EDEM3: variants seen among roughly 807,000 people sequenced by gnomAD.
The protein encoded by EDEM3 is ER degradation enhancing alpha-mannosidase like protein 3, also known as ER degradation-enhancing alpha-mannosidase-like protein 3.
EDEM3 carries 60 observed loss-of-function variants against 110.2 expected under a neutral mutation model. That is an observed-to-expected ratio of 0.54 (90% CI 0.44 to 0.67). The LOEUF is 0.67. EDEM3 is among the 30% of genes least tolerant of loss of function. The pLI, the probability that EDEM3 is intolerant of heterozygous loss-of-function variation, is 0.00. For missense variants in EDEM3, 996 were observed against 1,121.0 expected (o/e 0.89, Z 1.59); for synonymous variants, 352 against 382.9 (o/e 0.92, Z 0.94).
rs1209076848 is a variant in EDEM3 at position 184,723,767 on chromosome 1, T to G, written c.837A>C (p.Gly279=). Residue 279 remains glycine (G), a synonymous_variant, in exon 8 of 20, where the codon GGA becomes GGC. Coordinates refer to ENST00000318130, the MANE Select transcript of EDEM3 (RefSeq NM_025191.4). ...LVGVTINIHT[G]DWVRKDSGVG... ...CTTACATACCTTTTCGTACCCAATC[T>G]CCAGTATGAATATTTATAGTCACGC... 1 of 1,598,208 alleles carries G rather than the reference T, an allele frequency of 6.3e-7. No individual in the cohort carries two copies. Among genetic ancestry groups the G allele is most frequent in the East Asian group, 2.3e-5 (1 of 44,228 alleles).
chr1:184,723,160 T>C (rs1332797975), intron 8 of EDEM3, among the ~76,000 whole-genome samples: 4 of 151,980 alleles, frequency 2.6e-5, no homozygotes, highest in Non-Finnish European at 5.9e-5. Flanking sequence ...GACTAACATC[T>C]CGTTACTGGG....
intron 2 of EDEM3, among the ~76,000 whole-genome samples, chr1:184,739,983 C>T (rs1384634935): frequency 2.0e-5 from 3 of 152,206 alleles, no homozygotes; most frequent in Admixed American, 6.5e-5. Context: ...GCATACATGG[C>T]CACGAGCCAG....
Position 184,712,388 on chromosome 1 carries a change from T to C in EDEM3, c.1536+45A>G, listed in dbSNP as rs191870097. ...ACTTTTCACTTGGAAAAATAAAACA[T>C]GTAGAAATAAAAAAGAGAATAAGAC... On this transcript the variant is annotated intron_variant, in intron 14 of 19. Coordinates refer to ENST00000318130, the MANE Select transcript of EDEM3 (RefSeq NM_025191.4). 1,970 of 1,514,506 alleles carry C rather than the reference T, an allele frequency of 1.3e-3. 3 individuals are homozygous for C. Among genetic ancestry groups the C allele is most frequent in the Non-Finnish European group, 1.7e-3 (1,872 of 1,122,054 alleles). The allele number at this position is 1,514,506 out of a possible 1,614,324, so 93.8% of individuals were successfully genotyped here.
At chr1:184,723,367 A>G (rs1287850424) in intron 8 of EDEM3, among the ~76,000 whole-genome samples, 2 of 152,040 alleles carry the variant, frequency 1.3e-5, no homozygotes, top group Non-Finnish European at 2.9e-5. Context: ...ATGACCCCAG[A>G]GTCTATGCTC....
chr1:184,749,510 C>T (rs1652630110), intron 2 of EDEM3, 37 bp downstream of exon 2: 7 of 1,440,784 alleles, frequency 4.9e-6, no homozygotes, highest in Non-Finnish European at 4.8e-6. Context: ...ATAATCAACT[C>T]ACATAAATGG....
chr1:184,717,058 T>C, intron 12 of EDEM3, 46 bp from the exon 13 acceptor site: 1 of 1,453,048 alleles, frequency 6.9e-7, no homozygotes, highest in South Asian at 1.3e-5. Flanking sequence ...GCTTATATAT[T>C]ACCACATATC....
rs540372765 is a variant in EDEM3 at position 184,727,995 on chromosome 1, G to A, written c.613-1606C>T. ...ATGTAATCACATGAATTACACTAAG[G>A]TAAAGTATAATTTTACAAATATTTG... On this transcript the variant is annotated intron_variant, in intron 6 of 19. Transcript: ENST00000318130. Among the ~76,000 whole-genome samples the A allele has an allele frequency of 5.3e-5, 8 of 152,160 alleles. No homozygotes were observed. In the East Asian group the frequency reaches 1.5e-3, roughly 29 times the overall value.
In EDEM3 at chr1:184,694,139, T is replaced by A. The variant is rs1649205524; in HGVS notation, c.2723A>T (p.Gln908Leu). ...GTCTGCTAATATGGAGTCTATAGGC[T>A]GGACCTTTTTACCCCAGCTAACATT... ...NPNVSWGKKV[Q>L]PIDSILADWN... The change falls in exon 20 of 20, where the codon CAG becomes CTG. Residue 908 changes from glutamine to leucine, a missense_variant. Physicochemically the swap from Gln to Leu is moderately radical, Grantham distance 113 (BLOSUM62 -2). Transcript: ENST00000318130. 6.2e-7 allele frequency: 1 copy of A among 1,613,334 alleles called. No homozygotes were observed. The highest frequency in any genetic ancestry group is 1.7e-5 in the Admixed American group (1 of 59,856).
Position 184,693,664 on chromosome 1 carries a change from AGAAAGGC to A in EDEM3, c.*392_*398del, listed in dbSNP as rs1349183935. 6.2e-6 allele frequency: 1 copy of A among 162,482 alleles called. No individual in the cohort carries two copies. The highest frequency in any genetic ancestry group is 1.8e-4 in the East Asian group (1 of 5,674). The allele number at this position is 162,482 out of a possible 1,614,324, so 10.1% of individuals were successfully genotyped here. A position where few individuals can be genotyped will look rare whatever the true frequency, so the allele number is the denominator to read the frequency against. On this transcript the variant is annotated 3_prime_UTR_variant, in exon 20 of 20. Transcript: ENST00000318130. ...AAAGAGCCTCTAACCCCCAAAACCA[AGAAAGGC>A]GAGCTTCCTTTAATTAGAAGGCTAT... is the stretch of plus-strand genomic sequence containing the variant.
intron 1 of EDEM3, among the ~76,000 whole-genome samples, chr1:184,751,300 C>T (rs1323386747): frequency 6.6e-6 from 1 of 151,636 alleles, no homozygotes; most frequent in Middle Eastern, 3.4e-3. Context: ...TGGAAGTCCT[C>T]TTTTTTTTCC....
At chr1:184,720,175 C>T (rs1382479913) in intron 9 of EDEM3, among the ~76,000 whole-genome samples, 3 of 152,130 alleles carry the variant, frequency 2.0e-5, no homozygotes, top group Admixed American at 2.0e-4. Context: ...TTATTTGTCC[C>T]CATTTACCTC....
rs1206135925 is a variant in EDEM3 at position 184,754,524 on chromosome 1, G to A, written c.123C>T (p.Ala41=). 2 of 1,612,894 alleles carry A rather than the reference G, an allele frequency of 1.2e-6. No individual in the cohort carries two copies. The highest frequency in any genetic ancestry group is 1.3e-5 in the African/African-American group (1 of 74,804). The stretch of plus-strand genomic sequence containing the variant: ...GTTTCTCCTCCCTACTCATGGGCTC[G>A]GCCCCCGCCGTCCACACGGAGGTGG... ...VSATSVWTAG[A]EPMSREEKQK... Residue 41 remains alanine, a synonymous_variant, in exon 1 of 20, where the codon GCC becomes GCT. Coordinates refer to ENST00000318130, the MANE Select transcript of EDEM3 (RefSeq NM_025191.4).
At chr1:184,711,252 C>T (rs1183565092) in intron 15 of EDEM3, among the ~76,000 whole-genome samples, 1 of 152,088 alleles carries the variant, frequency 6.6e-6, no homozygotes. Context: ...GTGCCTGCCA[C>T]CATGCCTGGC....
In EDEM3 at chr1:184,712,567, T is replaced by G. The variant is rs1395890700; in HGVS notation, c.1402A>C (p.Lys468Gln). ...MDSFFLAEMF[K>Q]YLYLLFADKE... ...TCAGCAAATAACAGGTAAAGATATT[T>G]AAACATTTCAGCCAAGAAGAAAGAA... Residue 468 changes from lysine to glutamine, a missense_variant, in exon 14 of 20, where the codon AAA becomes CAA. By Grantham distance (53) the Lys-to-Gln change is moderately conservative. Coordinates refer to ENST00000318130, the MANE Select transcript of EDEM3 (RefSeq NM_025191.4). 1 of 1,559,324 alleles carries G rather than the reference T, an allele frequency of 6.4e-7. No homozygotes were observed. The highest frequency in any genetic ancestry group is 8.7e-7 in the Non-Finnish European group (1 of 1,149,074).
At chr1:184,695,943 G>A (rs950413761) in intron 19 of EDEM3, among the ~76,000 whole-genome samples, 6 of 151,922 alleles carry the variant, frequency 3.9e-5, no homozygotes, top group African/African-American at 1.4e-4. Flanking sequence ...AAACTGAAAG[G>A]TCTCAGAAAT....
chr1:184,716,858 G>A (rs539883416), intron 13 of EDEM3, 30 bp downstream of exon 13: 3 of 1,609,454 alleles, frequency 1.9e-6, no homozygotes, highest in South Asian at 1.1e-5. Flanking sequence ...GAGAGACCCT[G>A]AGGAAAGAGG....
chr1:184,705,538 A>G (rs1487835718), intron 18 of EDEM3, among the ~76,000 whole-genome samples: 1 of 152,232 alleles, frequency 6.6e-6, no homozygotes. Context: ...TTTGGCCTAT[A>G]GTCTTGTAGT....
intron 2 of EDEM3, among the ~76,000 whole-genome samples, chr1:184,743,859 T>C (rs1004944857): frequency 2.6e-5 from 4 of 151,976 alleles, no homozygotes; most frequent in African/African-American, 9.7e-5. Context: ...CAACAAATGG[T>C]GCTGGAATAA....
At chr1:184,723,672 T>C (rs1374871111) in intron 8 of EDEM3, 79 bp downstream of exon 8, 2 of 1,124,122 alleles carry the variant, frequency 1.8e-6, no homozygotes, top group Admixed American at 2.1e-5. Context: ...CCAAAGATTA[T>C]TTTAACAAAT....
Sources: allele counts gnomAD v4.1 joint callset (sites outside exome capture counted in the v4.1 genomes callset), GRCh38; gene constraint gnomAD v4.1.1; transcripts MANE v1.5; gene names NCBI Gene and HGNC (gene_info 2026-07-23, HGNC 2026-07-21).